TMTC2: variants seen among roughly 807,000 people sequenced by gnomAD.
TMTC2 encodes protein O-mannosyl-transferase TMTC2.
A neutral mutation model predicts 82.4 loss-of-function variants in TMTC2; 43 were observed. The observed-to-expected ratio is 0.52, with a 90% CI of 0.41 to 0.67. The LOEUF is 0.67. Ranked by LOEUF, TMTC2 falls within the 30% of genes least tolerant of loss-of-function variation. The pLI is 0.00. For synonymous variants in TMTC2, 408 were observed against 381.9 expected (o/e 1.07, Z -0.80); for missense variants, 919 against 1,012.4 (o/e 0.91, Z 1.25).
intron 11 of TMTC2, among the ~76,000 whole-genome samples, chr12:83,113,530 A>G (rs1399099978): frequency 1.3e-5 from 2 of 152,180 alleles, no homozygotes; most frequent in Non-Finnish European, 2.9e-5. Flanking sequence ...TACCATTAAT[A>G]CTATATTGAT....
At chr12:83,109,249 G>T (rs1334242403) in intron 11 of TMTC2, among the ~76,000 whole-genome samples, 1 of 152,168 alleles carries the variant, frequency 6.6e-6, no homozygotes, top group East Asian at 1.9e-4. Context: ...AATTATGGCG[G>T]AAGGTGAAGA....
chr12:83,058,026 A>C (rs577683173), intron 10 of TMTC2, among the ~76,000 whole-genome samples: 2 of 151,846 alleles, frequency 1.3e-5, no homozygotes, highest in Non-Finnish European at 2.9e-5. Flanking sequence ...ATATTAAGTT[A>C]TTCTATTACA....
At chr12:82,912,459 A>G (rs564033860) in intron 3 of TMTC2, among the ~76,000 whole-genome samples, 39 of 152,290 alleles carry the variant, frequency 2.6e-4, no homozygotes, top group Non-Finnish European at 4.4e-4. Context: ...CTTGTATTTC[A>G]TGAGACTACC....
intron 10 of TMTC2, among the ~76,000 whole-genome samples, chr12:83,055,896 A>T (rs1471624594): frequency 4.6e-5 from 7 of 152,006 alleles, no homozygotes. Flanking sequence ...TATCTTATAG[A>T]TGAGCATACT....
intron 9 of TMTC2, 85 bp from the exon 10 acceptor site, chr12:83,050,819 C>T: frequency 2.6e-6 from 2 of 774,566 alleles, no homozygotes; most frequent in South Asian, 1.9e-5. Flanking sequence ...TCACCTTTAC[C>T]ACTGTACTTA....
At chr12:82,783,298 G>GTGTGTGTGTGTGTC (rs1878002094) in intron 1 of TMTC2, among the ~76,000 whole-genome samples, 2 of 147,768 alleles carry the variant, frequency 1.4e-5, no homozygotes, top group African/African-American at 5.0e-5. Context: ...CTCTGTGTGT[G>GTGTGTGTGTGTGTC]TGTGTGTGTG....
intron 9 of TMTC2, among the ~76,000 whole-genome samples, chr12:83,044,445 G>A (rs1033514650): frequency 1.3e-5 from 2 of 152,104 alleles, no homozygotes; most frequent in African/African-American, 4.8e-5. Context: ...AGCTGTGTAG[G>A]CCAGTGTAAG....
intron 1 of TMTC2, among the ~76,000 whole-genome samples, chr12:82,801,262 T>C (rs1878982651): frequency 6.6e-6 from 1 of 152,082 alleles, no homozygotes; most frequent in African/African-American, 2.4e-5. Context: ...CCGGAGTTTG[T>C]TCTTTCCTCC....
intron 2 of TMTC2, among the ~76,000 whole-genome samples, chr12:82,874,472 T>C (rs1278337012): frequency 3.3e-5 from 5 of 152,214 alleles, no homozygotes; most frequent in Admixed American, 6.5e-5. Context: ...GATGGGCTTC[T>C]TGTGCAGATA....
At chr12:83,004,721 A>ACTTTTTTTTTTTTTTTTT (rs1880076986) in intron 8 of TMTC2, among the ~76,000 whole-genome samples, 1 of 65,072 alleles carries the variant, frequency 1.5e-5, no homozygotes, top group Admixed American at 2.1e-4. Flanking sequence ...ATACTGGCCG[A>ACTTTTTTTTTTTTTTTTT]ATTTTTTTTT....
chr12:82,965,830 C>G, intron 6 of TMTC2, 86 bp downstream of exon 6: 2 of 1,490,810 alleles, frequency 1.3e-6, no homozygotes, highest in Non-Finnish European at 1.9e-6. Flanking sequence ...TCCTTTGAGC[C>G]TATGTCCTTT....
chr12:82,928,776 A>G (rs1020685346), intron 3 of TMTC2, among the ~76,000 whole-genome samples: 5 of 152,176 alleles, frequency 3.3e-5, no homozygotes, highest in African/African-American at 9.7e-5. Flanking sequence ...GAGATGATAT[A>G]TGTCAAGTGT....
chr12:82,735,492 C>A lies in TMTC2; in HGVS notation c.83+47823C>A, dbSNP rs374230524. ...TCCCAAGTAGCTGGGACTACAGGCGCCCGCCACCACGCCCGGCTAATTTTT... is the reference window on the plus strand; with the variant it reads ...TCCCAAGTAGCTGGGACTACAGGCGACCGCCACCACGCCCGGCTAATTTTT... On this transcript the variant is annotated intron_variant, in intron 1 of 11. Coordinates refer to ENST00000321196, the MANE Select transcript of TMTC2 (RefSeq NM_152588.3). 3.0e-4 allele frequency among the ~76,000 whole-genome samples: 46 copies of A among 151,916 alleles called. No individual in the cohort carries two copies. The East Asian group carries it at 7.5e-3, about 25-fold the overall frequency.
intron 7 of TMTC2, among the ~76,000 whole-genome samples, chr12:82,978,499 A>T (rs577542794): frequency 6.6e-6 from 1 of 151,888 alleles, no homozygotes; most frequent in African/African-American, 2.4e-5. Flanking sequence ...TGTAGTTTTC[A>T]AAATTTCTCT....
intron 4 of TMTC2, among the ~76,000 whole-genome samples, chr12:82,939,458 A>G (rs1876584788): frequency 6.6e-6 from 1 of 151,992 alleles, no homozygotes; most frequent in African/African-American, 2.4e-5. Flanking sequence ...TTTAAATTTG[A>G]TATTTTTGGG....
rs574623981 is a variant in TMTC2 at position 83,008,475 on chromosome 12, A to G, written c.2071-22323A>G. On this transcript the variant is annotated intron_variant, in intron 8 of 11. Coordinates refer to ENST00000321196, the MANE Select transcript of TMTC2 (RefSeq NM_152588.3). ...CCTGGGTCTTCTAATGAGCCCATCAAAGGCATTCTTTACTTTTGTTAGAGT... is the reference window on the plus strand; with the variant it reads ...CCTGGGTCTTCTAATGAGCCCATCAGAGGCATTCTTTACTTTTGTTAGAGT... Among the ~76,000 whole-genome samples the G allele has an allele frequency of 1.1e-3, 165 of 152,288 alleles. 1 individual carries two copies. Among genetic ancestry groups the G allele is most frequent in the Non-Finnish European group, 1.8e-3 (125 of 68,028 alleles).
In TMTC2 at chr12:82,830,169, A is replaced by T. The variant is rs369433005; in HGVS notation, c.84-26841A>T. ...TTAAGGGGAATTTGTTTGGATTTTA[A>T]ATGTTAAATGCAAAATTGGAAAATT... On this transcript the variant is annotated intron_variant, in intron 1 of 11. Coordinates refer to ENST00000321196, the MANE Select transcript of TMTC2 (RefSeq NM_152588.3). 2.9e-4 allele frequency among the ~76,000 whole-genome samples: 44 copies of T among 152,324 alleles called. 1 individual carries two copies. In the South Asian group the frequency reaches 8.9e-3, roughly 31 times the overall value.
intron 1 of TMTC2, among the ~76,000 whole-genome samples, chr12:82,748,095 G>A (rs969224851): frequency 6.6e-6 from 1 of 152,100 alleles, no homozygotes; most frequent in Non-Finnish European, 1.5e-5. Context: ...TGGATCACGC[G>A]GTCAGGAGAT....
At chr12:82,715,451 G>A (rs1348872538) in intron 1 of TMTC2, among the ~76,000 whole-genome samples, 3 of 152,068 alleles carry the variant, frequency 2.0e-5, no homozygotes, top group Admixed American at 2.0e-4. Flanking sequence ...GATTTTTAGG[G>A]GATTTCGGTG....
Sources: allele counts gnomAD v4.1 joint callset (sites outside exome capture counted in the v4.1 genomes callset), GRCh38; gene constraint gnomAD v4.1.1; transcripts MANE v1.5; gene names NCBI Gene and HGNC (gene_info 2026-07-23, HGNC 2026-07-21).